The following LYST variants were observed in gnomAD, a reference collection of about 807,000 sequenced individuals.
The protein encoded by LYST is lysosomal-trafficking regulator.
A neutral mutation model predicts 413.6 loss-of-function variants in LYST; 192 were observed. The observed-to-expected ratio is 0.46, with a 90% CI of 0.41 to 0.52. The LOEUF is 0.52. Ranked by LOEUF, LYST falls within the 20% of genes least tolerant of loss-of-function variation. The pLI, the probability that LYST is intolerant of heterozygous loss-of-function variation, is 0.00. For missense variants in LYST, 3,815 were observed against 4,499.9 expected, an observed-to-expected ratio of 0.85 and a Z score of 4.35; for synonymous variants, 1,525 against 1,567.3, an observed-to-expected ratio of 0.97 and a Z score of 0.64.
intron 1 of LYST, among the ~76,000 whole-genome samples, chr1:235,859,869 G>C (rs184900947): frequency 6.6e-6 from 1 of 152,306 alleles, no homozygotes; most frequent in Admixed American, 6.5e-5. Flanking sequence ...AATGTACTCT[G>C]TAAGTTATAA....
chr1:235,877,952 A>C (rs898176869), intron 1 of LYST, among the ~76,000 whole-genome samples: 1 of 152,158 alleles, frequency 6.6e-6, no homozygotes. Context: ...AATATCAAGA[A>C]GACAGGGCAA....
chr1:235,734,686 T>C (rs756673506), intron 31 of LYST, 27 bp from the exon 32 acceptor site: 109 of 1,491,642 alleles, frequency 7.3e-5, no homozygotes, highest in Middle Eastern at 3.5e-4. Flanking sequence ...AATTTTTTAG[T>C]CATTTAGAAT....
rs1227596560 is a variant in LYST, at chr1:235,741,345, A to C, written c.8358+77T>G. On this transcript the variant is annotated intron_variant, in intron 31 of 52. Coordinates refer to ENST00000389793, the MANE Select transcript of LYST (RefSeq NM_000081.4). ...TAAATTAGGCATGAACATTCAGTTT[A>C]ATTTCAGTTCTTGTTTTATTCAGAC... 4.1e-6 allele frequency: 5 copies of C among 1,210,896 alleles called. No homozygotes were observed. The African/African-American group carries it at 6.0e-5, about 14-fold the overall frequency. 75.0% of individuals were successfully genotyped at this position (1,210,896 alleles called of 1,614,324 possible). A position where few individuals can be genotyped will look rare whatever the true frequency, so the allele number is the denominator to read the frequency against.
chr1:235,821,418 CAG>C (rs777765854), intron 3 of LYST, among the ~76,000 whole-genome samples: 1 of 151,994 alleles, frequency 6.6e-6, no homozygotes, highest in African/African-American at 2.4e-5. Context: ...GCCTGCATGA[CAG>C]AGTCTTTTTT....
At chr1:235,671,255 T>C (rs1658919527) in intron 50 of LYST, among the ~76,000 whole-genome samples, 1 of 152,178 alleles carries the variant, frequency 6.6e-6, no homozygotes, top group Non-Finnish European at 1.5e-5. Context: ...CCTGTTTTTA[T>C]GGAGTTTACA....
In LYST at chr1:235,808,879, G is replaced by C. The variant is rs756249440; in HGVS notation, c.1939C>G (p.Leu647Val). The C allele has an allele frequency of 1.4e-5, 22 of 1,613,814 alleles. No homozygotes were observed. In the African/African-American group the frequency reaches 2.8e-4, roughly 21 times the overall value. The change falls in exon 5 of 53, where the codon CTA becomes GTA. Residue 647 changes from leucine to valine, a missense_variant. By Grantham distance (32) the Leu-to-Val change is conservative. Coordinates refer to ENST00000389793, the MANE Select transcript of LYST (RefSeq NM_000081.4). ...TGCAGTGTCTCTTCTAATTGGGCTA[G>C]TTGGTCAGAGTCAACAGTACAAATA... is the stretch of plus-strand genomic sequence containing the variant. ...CNICTVDSDQ[L>V]AQLEETLQGN...
In LYST at chr1:235,782,105, CAAAGTT is replaced by C. The variant is rs1305790286; in HGVS notation, c.4863-24_4863-19del. ...CAGGCTTCCTACATTAAAAACAAAA[CAAAGTT>C]AAAGCAATGACTTTAGGAAGTCTAG... On this transcript the variant is annotated intron_variant, in intron 14 of 52. Transcript: ENST00000389793. The C allele has an allele frequency of 1.2e-6, 2 of 1,601,608 alleles. No homozygotes were observed. The highest frequency in any genetic ancestry group is 2.7e-5 in the African/African-American group (2 of 74,476).
chr1:235,731,803 C>A (rs534661965), intron 34 of LYST, among the ~76,000 whole-genome samples: 42 of 152,248 alleles, frequency 2.8e-4, no homozygotes, highest in African/African-American at 8.9e-4. Flanking sequence ...AGTGATCCAC[C>A]CACCTGGGCC....
intron 1 of LYST, among the ~76,000 whole-genome samples, chr1:235,872,063 A>G (rs1241504491): frequency 6.6e-6 from 1 of 152,182 alleles, no homozygotes; most frequent in Admixed American, 6.5e-5. Context: ...TGGGAGGCTG[A>G]GGCGGGTGGA....
rs757066505 is a variant in LYST at position 235,809,514 on chromosome 1, T to A, written c.1304A>T (p.Glu435Val). ...YFSQAMDLVQ[E>V]FIQHHGFNLF... ...ATTAAATCCATGATGCTGAATGAAT[T>A]CTTGAACCAAATCCATGGCTTGACT... Residue 435 changes from glutamate (E) to valine (V), a missense_variant, in exon 5 of 53, where the codon GAA (glutamate) becomes GTA (valine). By Grantham distance (121) the Glu-to-Val change is moderately radical (BLOSUM62 -2). This residue lies in a region of LYST where 1,648 missense variants were observed against 1,810.3 expected (regional missense o/e 0.91). Coordinates refer to ENST00000389793, the MANE Select transcript of LYST (RefSeq NM_000081.4). This position sits in a 1 kb window ranked among gnomAD's most constrained non-coding sequence, Gnocchi z 4.0. 6.8e-6 allele frequency: 11 copies of A among 1,613,914 alleles called. No homozygotes were observed. Among genetic ancestry groups the A allele is most frequent in the Non-Finnish European group, 9.3e-6 (11 of 1,179,990 alleles).
chr1:235,838,609 TTAGAAC>T (rs1396236203), intron 1 of LYST, among the ~76,000 whole-genome samples: 1 of 152,250 alleles, frequency 6.6e-6, no homozygotes, highest in Non-Finnish European at 1.5e-5. Context: ...TTTTTAAATT[TTAGAAC>T]ATTATTCCTC....
chr1:235,762,073 T>C (rs1040115336), intron 22 of LYST, among the ~76,000 whole-genome samples: 6 of 151,690 alleles, frequency 4.0e-5, no homozygotes, highest in Admixed American at 6.6e-5. Flanking sequence ...TGTATACATA[T>C]GTAACAAACC....
chr1:235,747,152 CCTGCACCATTA>C (rs1222288699), intron 28 of LYST: 2 of 397,798 alleles, frequency 5.0e-6, no homozygotes, highest in East Asian at 1.5e-4. Flanking sequence ...GAGTGGCATT[CCTGCACCATTA>C]CTGCACCTGC....
At position 235,720,807 on chromosome 1, in the gene LYST, C is replaced by T; in HGVS notation, c.9414G>A (p.Gly3138=). 1 of 1,613,976 alleles carries T rather than the reference C, an allele frequency of 6.2e-7. No homozygotes were observed. Among genetic ancestry groups the T allele is most frequent in the South Asian group, 1.1e-5 (1 of 91,080 alleles). Residue 3138 remains glycine, a synonymous_variant, in exon 40 of 53, where the codon GGG becomes GGA. Transcript: ENST00000389793. Reference sequence around the variant, plus strand: ...TCAAATATTCAAAATTAGTAATTTGCCCAGTATACCATAAATTTGTCAGAG... The same window carrying T: ...TCAAATATTCAAAATTAGTAATTTGTCCAGTATACCATAAATTTGTCAGAG... The part of the protein sequence containing the change: ...ITALTNLWYT[G]QITNFEYLTH...
intron 47 of LYST, among the ~76,000 whole-genome samples, chr1:235,693,115 A>T (rs1286010201): frequency 6.6e-6 from 1 of 152,112 alleles, no homozygotes; most frequent in Non-Finnish European, 1.5e-5. Context: ...GGAGATCGAG[A>T]CCATCCTTGC....
At chr1:235,845,587 G>A (rs998177884) in intron 1 of LYST, among the ~76,000 whole-genome samples, 1 of 152,068 alleles carries the variant, frequency 6.6e-6, no homozygotes, top group African/African-American at 2.4e-5. Context: ...GGATAGCCTC[G>A]GGGAAGTTTT....
chr1:235,762,631 A>G, intron 22 of LYST, 89 bp downstream of exon 22: 1 of 1,354,276 alleles, frequency 7.4e-7, no homozygotes, highest in Non-Finnish European at 1.0e-6. Flanking sequence ...GTTGTACTAC[A>G]TATACTTCTA....
chr1:235,714,883 C>T (rs541108063), intron 42 of LYST, among the ~76,000 whole-genome samples: 1 of 152,240 alleles, frequency 6.6e-6, no homozygotes, highest in Non-Finnish European at 1.5e-5. Context: ...GGTAGAATGT[C>T]TTTAAAAAGT....
chr1:235,712,924 T>C (rs1572051303), intron 42 of LYST: 2 of 985,348 alleles, frequency 2.0e-6, no homozygotes, highest in Non-Finnish European at 2.4e-6. Flanking sequence ...TTAAATGATA[T>C]CCAAAAGCTA....
Sources: allele counts gnomAD v4.1 joint callset (sites outside exome capture counted in the v4.1 genomes callset), GRCh38; gene constraint gnomAD v4.1.1; regional missense constraint gnomAD v4.1.1; non-coding constraint Gnocchi (gnomAD v3.1); transcripts MANE v1.5; gene names NCBI Gene and HGNC (gene_info 2026-07-23, HGNC 2026-07-21).